The following PRDM2 variants were observed in gnomAD, a reference collection of about 807,000 sequenced individuals.
The protein encoded by PRDM2 is PR/SET domain 2.
Under a neutral mutation model 130.0 loss-of-function variants are expected in PRDM2, and 30 were observed. The ratio of observed to expected loss-of-function variants is 0.23; its 90% CI spans 0.17 to 0.31. PRDM2 has a LOEUF of 0.31. PRDM2 is among the 10% of genes least tolerant of loss of function. The probability of loss-of-function intolerance (pLI) is 1.00; values close to 1 mark genes in which losing one functional copy is unlikely to be tolerated. For synonymous variants in PRDM2, 871 were observed against 782.4 expected (o/e 1.11, Z -1.89); for missense variants, 2,011 against 2,108.4 (o/e 0.95, Z 0.90).
Position 13,816,504 on chromosome 1 carries a change from C to T in PRDM2, c.5114C>T (p.Ala1705Val). 1 of 1,614,130 alleles carries T rather than the reference C, an allele frequency of 6.2e-7. No individual in the cohort carries two copies. The highest frequency in any genetic ancestry group is 8.5e-7 in the Non-Finnish European group (1 of 1,179,972). The change falls in exon 9 of 10, where the codon GCT becomes GTT. Residue 1705 changes from alanine (A) to valine (V), a missense_variant. Ala to Val is a moderately conservative substitution (Grantham distance 64). Around this residue, in one of 5 missense-constraint regions of PRDM2, gnomAD observed 410 missense variants for 395.9 expected, o/e 1.04. Coordinates refer to ENST00000311066, the MANE Select transcript of PRDM2 (RefSeq NM_001393986.1). ...YITRQYRKVKAPAAAQFQGPF... is the reference protein window; with the variant it reads ...YITRQYRKVKVPAAAQFQGPF... ...ACCAGGCAGTATAGGAAGGTCAAAGCTCCAGCTGCAGCCCAGTTCCAGGGA... is the reference window on the plus strand; with the variant it reads ...ACCAGGCAGTATAGGAAGGTCAAAGTTCCAGCTGCAGCCCAGTTCCAGGGA...
At chr1:13,757,274 GTCTT>G (rs1643979322) in intron 6 of PRDM2, among the ~76,000 whole-genome samples, 1 of 152,172 alleles carries the variant, frequency 6.6e-6, no homozygotes, top group South Asian at 2.1e-4. Flanking sequence ...TCTAGCTATT[GTCTT>G]TCAAGTGTTT....
intron 6 of PRDM2, among the ~76,000 whole-genome samples, chr1:13,753,931 A>G (rs1370036253): frequency 2.0e-5 from 3 of 152,194 alleles, no homozygotes; most frequent in African/African-American, 4.8e-5. Flanking sequence ...AACTAAAATG[A>G]CAAGGGTCCC....
chr1:13,783,657 G>A (rs1307901550), intron 8 of PRDM2, among the ~76,000 whole-genome samples: 2 of 152,156 alleles, frequency 1.3e-5, no homozygotes, highest in Non-Finnish European at 2.9e-5. Context: ...ATGAAGAGAG[G>A]GCAGCGGTTA....
chr1:13,755,730 A>G (rs545383147), intron 6 of PRDM2, among the ~76,000 whole-genome samples: 1 of 152,150 alleles, frequency 6.6e-6, no homozygotes, highest in Admixed American at 6.5e-5. Flanking sequence ...CGACATTCAA[A>G]CCTAATGTTC....
chr1:13,798,482 T>C (rs61775129), intron 8 of PRDM2, among the ~76,000 whole-genome samples: 25,792 of 87,338 alleles, frequency 0.3, 2,735 homozygotes, highest in East Asian at 0.38. Flanking sequence ...TAGAGACCAG[T>C]ATAAAACTGC....
chr1:13,799,000 T>A (rs1644965185), intron 8 of PRDM2, among the ~76,000 whole-genome samples: 3 of 152,168 alleles, frequency 2.0e-5, no homozygotes, highest in Non-Finnish European at 4.4e-5. Flanking sequence ...TCCTTCACCG[T>A]GGTGAGTCAG....
At chr1:13,754,461 T>A (rs545311880) in intron 6 of PRDM2, among the ~76,000 whole-genome samples, 1 of 152,202 alleles carries the variant, frequency 6.6e-6, no homozygotes, top group African/African-American at 2.4e-5. Context: ...TACCAATGAG[T>A]GTCACAGTCA....
intron 6 of PRDM2, among the ~76,000 whole-genome samples, chr1:13,769,963 G>A (rs539326761): frequency 1.2e-4 from 18 of 152,210 alleles, no homozygotes; most frequent in Non-Finnish European, 1.9e-4. Context: ...AGTAAATAGT[G>A]GCTACAGGTG....
At chr1:13,747,749 A>G (rs1429210096) in intron 5 of PRDM2, among the ~76,000 whole-genome samples, 2 of 144,432 alleles carry the variant, frequency 1.4e-5, no homozygotes, top group African/African-American at 5.1e-5. Flanking sequence ...TCTAAACCGT[A>G]GGTGGAATCT....
At chr1:13,708,220 T>A (rs1642266259) in intron 1 of PRDM2, among the ~76,000 whole-genome samples, 2 of 152,074 alleles carry the variant, frequency 1.3e-5, no homozygotes, top group African/African-American at 4.8e-5. Context: ...AGAGTTATTC[T>A]GACAGGGAAA....
At chr1:13,704,458 G>A (rs575612094) in intron 1 of PRDM2, among the ~76,000 whole-genome samples, 50 of 152,176 alleles carry the variant, frequency 3.3e-4, no homozygotes, top group Non-Finnish European at 6.8e-4. Flanking sequence ...CAATAAAGGA[G>A]ATTTTACTGA....
intron 6 of PRDM2, among the ~76,000 whole-genome samples, chr1:13,761,412 G>T (rs1644094577): frequency 6.6e-6 from 1 of 152,144 alleles, no homozygotes; most frequent in South Asian, 2.1e-4. Flanking sequence ...CTTAGAAGGT[G>T]CTAATTAATT....
chr1:13,769,309 A>G (rs536749650), intron 6 of PRDM2: 20 of 320,426 alleles, frequency 6.2e-5, no homozygotes, highest in Non-Finnish European at 8.1e-5. Flanking sequence ...TTGATGACAT[A>G]TAGGACAGAA....
chr1:13,737,467 C>T (rs548216454), intron 4 of PRDM2, among the ~76,000 whole-genome samples: 7 of 152,084 alleles, frequency 4.6e-5, no homozygotes, highest in Non-Finnish European at 7.3e-5. Context: ...TTGTGTGTGG[C>T]CCTTTACAGA....
intron 2 of PRDM2, among the ~76,000 whole-genome samples, chr1:13,718,696 T>C (rs145000348): frequency 1.3e-5 from 2 of 152,254 alleles, no homozygotes; most frequent in East Asian, 3.9e-4. Context: ...ATCCTTCCGC[T>C]TGAGCCCATG....
At position 13,778,666 on chromosome 1, in the gene PRDM2, G is replaced by T. The variant is rs1359026404; in HGVS notation, c.871G>T (p.Asp291Tyr). The T allele has an allele frequency of 6.2e-7, 1 of 1,614,110 alleles. No individual in the cohort carries two copies. Residue 291 changes from aspartate (D) to tyrosine (Y), a missense_variant, in exon 8 of 10, where the codon GAC becomes TAC. Transcript: ENST00000311066. ...EEDDDDDELEDEGEEEASMPN... is the reference protein window; with the variant it reads ...EEDDDDDELEYEGEEEASMPN... ...AGATGATGATGATGATGAGTTGGAAGACGAGGGGGAAGAAGAAGCCAGCAT... is the reference window on the plus strand; with the variant it reads ...AGATGATGATGATGATGAGTTGGAATACGAGGGGGAAGAAGAAGCCAGCAT...
intron 5 of PRDM2, among the ~76,000 whole-genome samples, chr1:13,746,461 A>T (rs1361313653): frequency 6.6e-6 from 1 of 151,832 alleles, no homozygotes; most frequent in Non-Finnish European, 1.5e-5. Flanking sequence ...GTTGCGAAGC[A>T]TATATCGCTC....
At chr1:13,741,353 T>C (rs1643431213) in intron 4 of PRDM2, among the ~76,000 whole-genome samples, 3 of 152,122 alleles carry the variant, frequency 2.0e-5, no homozygotes, top group Non-Finnish European at 2.9e-5. Context: ...TTTCCCAGAG[T>C]CTATTCCATC....
chr1:13,744,630 TAAAC>T (rs1374278337), intron 5 of PRDM2, among the ~76,000 whole-genome samples: 1 of 152,310 alleles, frequency 6.6e-6, no homozygotes, highest in Non-Finnish European at 1.5e-5. Flanking sequence ...TTGTGAAGGT[TAAAC>T]AAGCCAATAT....
Sources: allele counts gnomAD v4.1 joint callset (sites outside exome capture counted in the v4.1 genomes callset), GRCh38; gene constraint gnomAD v4.1.1; regional missense constraint gnomAD v4.1.1; transcripts MANE v1.5; gene names NCBI Gene and HGNC (gene_info 2026-07-23, HGNC 2026-07-21).